Variants in UBTD1 observed in about 807,000 individuals in gnomAD.
UBTD1 encodes ubiquitin domain-containing protein 1.
UBTD1 carries 19 observed loss-of-function variants against 21.7 expected under a neutral mutation model. The observed-to-expected ratio is 0.87, with a 90% CI of 0.61 to 1.28. The LOEUF is 1.28. UBTD1 is among the 50% of genes most tolerant of loss of function. The probability of loss-of-function intolerance (pLI) is 0.00; values close to 1 mark genes in which losing one functional copy is unlikely to be tolerated. For synonymous variants in UBTD1, 116 were observed against 135.1 expected, an observed-to-expected ratio of 0.86 and a Z score of 0.98; for missense variants, 282 against 315.1, an observed-to-expected ratio of 0.89 and a Z score of 0.80.
chr10:97,534,795 G>A lies in UBTD1; in HGVS notation c.71-33119G>A, dbSNP rs2040552191. Among the ~76,000 whole-genome samples, 2 of 152,068 alleles carry A rather than the reference G, an allele frequency of 1.3e-5. 1 individual carries two copies. Among genetic ancestry groups the A allele is most frequent in the South Asian group, 4.1e-4 (2 of 4,830 alleles). On this transcript the variant is annotated intron_variant, in intron 1 of 2. Transcript: ENST00000370664. ...TGGGAGCTGCCAGTTTGCTTGGGAG[G>A]CACACAGCCTCCAAGGGCCACCATC...
intron 1 of UBTD1, among the ~76,000 whole-genome samples, chr10:97,549,454 G>A (rs1403309911): frequency 6.6e-6 from 1 of 152,234 alleles, no homozygotes; most frequent in East Asian, 1.9e-4. Context: ...CAGCATGCCA[G>A]GCATTAACTC....
intron 1 of UBTD1, among the ~76,000 whole-genome samples, chr10:97,525,053 G>A (rs2040482302): frequency 6.6e-6 from 1 of 152,240 alleles, no homozygotes; most frequent in African/African-American, 2.4e-5. Flanking sequence ...ATTTTCACTT[G>A]TGTGTGCTGA....
chr10:97,528,205 C>A (rs866113444), intron 1 of UBTD1, among the ~76,000 whole-genome samples: 1 of 60,556 alleles, frequency 1.7e-5, no homozygotes, highest in Non-Finnish European at 3.6e-5. Flanking sequence ...CTGGACGGGG[C>A]GGCTGGCCGG....
chr10:97,520,009 T>C (rs764446508), intron 1 of UBTD1, among the ~76,000 whole-genome samples: 106 of 152,374 alleles, frequency 7.0e-4, no homozygotes, highest in Non-Finnish European at 9.4e-4. Context: ...ACCTTGTAGC[T>C]TAGTGGTTAA....
chr10:97,499,260 C>A lies in UBTD1; in HGVS notation c.57C>A (p.Pro19=), dbSNP rs1479734289. The change falls in exon 1 of 3, where the codon CCC becomes CCA. Residue 19 remains proline, a synonymous_variant. Coordinates refer to ENST00000370664, the MANE Select transcript of UBTD1 (RefSeq NM_024954.5). ...AGAGGCCGGCAGCCCCGGGACACCC[C>A]CGCAAGCGAGCAGGTAACGATGGGG... ...RRERPAAPGH[P]RKRAGRNEPL... is the part of the protein sequence containing the mutation. 1.3e-6 allele frequency: 2 copies of A among 1,548,736 alleles called. No homozygotes were observed.
At chr10:97,518,884 A>T (rs1026134431) in intron 1 of UBTD1, among the ~76,000 whole-genome samples, 3 of 152,198 alleles carry the variant, frequency 2.0e-5, no homozygotes, top group Non-Finnish European at 4.4e-5. Context: ...AACCTTTTCC[A>T]TGTATTATCT....
chr10:97,527,171 C>A (rs1270925473), intron 1 of UBTD1, among the ~76,000 whole-genome samples: 252 of 66,606 alleles, frequency 3.8e-3, no homozygotes, highest in Middle Eastern at 0.013. Flanking sequence ...CTCTTGTCTC[C>A]AAAAAAAAAA....
At chr10:97,568,208 G>A (rs1305536334) in intron 2 of UBTD1, 67 bp downstream of exon 2, 3 of 1,559,312 alleles carry the variant, frequency 1.9e-6, no homozygotes, top group African/African-American at 2.7e-5. Context: ...GTTTGAGGGT[G>A]TTGAGGAGTG....
chr10:97,507,064 A>T (rs10882948), intron 1 of UBTD1, among the ~76,000 whole-genome samples: 43,251 of 152,092 alleles, frequency 0.28, 6,857 homozygotes, highest in East Asian at 0.57. Flanking sequence ...CTGGATCAAA[A>T]GGTAATTCTA....
At chr10:97,550,126 G>A (rs1222270928) in intron 1 of UBTD1, among the ~76,000 whole-genome samples, 3 of 152,182 alleles carry the variant, frequency 2.0e-5, no homozygotes, top group Non-Finnish European at 2.9e-5. Flanking sequence ...TCTTGTTCCT[G>A]CCTTCTCCCG....
At chr10:97,567,265 G>A (rs1278010574) in intron 1 of UBTD1, among the ~76,000 whole-genome samples, 1 of 151,270 alleles carries the variant, frequency 6.6e-6, no homozygotes, top group Non-Finnish European at 1.5e-5. Context: ...TAGAAACAGG[G>A]TTTTACCATG....
At chr10:97,536,510 C>G (rs545049661) in intron 1 of UBTD1, among the ~76,000 whole-genome samples, 1 of 152,330 alleles carries the variant, frequency 6.6e-6, no homozygotes, top group African/African-American at 2.4e-5. Context: ...CACCATACTG[C>G]AGACTTGTGT....
In UBTD1 at chr10:97,499,130, C is replaced by T. The variant is rs1209550824; in HGVS notation, c.-74C>T. Reference sequence around the variant, plus strand: ...TGCCGGGCGGCCGGAGCCATTGACCCGGGACGCCGCCGTCCGCTGAGCAGC... The same window carrying T: ...TGCCGGGCGGCCGGAGCCATTGACCTGGGACGCCGCCGTCCGCTGAGCAGC... On this transcript the variant is annotated 5_prime_UTR_variant, in exon 1 of 3. Transcript: ENST00000370664. 25 of 1,454,608 alleles carry T rather than the reference C, an allele frequency of 1.7e-5. No homozygotes were observed. In the South Asian group the frequency reaches 2.7e-4, roughly 16 times the overall value. The allele number at this position is 1,454,608 out of a possible 1,614,324, so 90.1% of individuals were successfully genotyped here.
chr10:97,539,374 A>C (rs2040577300), intron 1 of UBTD1, among the ~76,000 whole-genome samples: 3 of 152,190 alleles, frequency 2.0e-5, no homozygotes, highest in East Asian at 1.9e-4. Flanking sequence ...CGGGAGGATC[A>C]GTTGAGCTCA....
At chr10:97,535,324 A>G (rs1478310490) in intron 1 of UBTD1, among the ~76,000 whole-genome samples, 1 of 152,236 alleles carries the variant, frequency 6.6e-6, no homozygotes, top group African/African-American at 2.4e-5. Flanking sequence ...CCATTAAAAA[A>G]AAATTACTTG....
intron 1 of UBTD1, among the ~76,000 whole-genome samples, chr10:97,530,030 C>T (rs2040520987): frequency 6.6e-6 from 1 of 152,158 alleles, no homozygotes; most frequent in Non-Finnish European, 1.5e-5. Context: ...ATTCACGTGT[C>T]CCCCTGATTC....
chr10:97,499,030 C>A lies in UBTD1; in HGVS notation c.-174C>A. ...GGGAGTCTGCCACTTCCCTCTCTCC[C>A]CTGGCCCGCAAAGTTTTGGCGGAGC... On this transcript the variant is annotated 5_prime_UTR_variant, in exon 1 of 3. Transcript: ENST00000370664. 1.4e-6 allele frequency: 1 copy of A among 710,456 alleles called. No homozygotes were observed. Among genetic ancestry groups the A allele is most frequent in the Non-Finnish European group, 2.2e-6 (1 of 452,600 alleles). 44.0% of individuals were successfully genotyped at this position (710,456 alleles called of 1,614,324 possible).
At chr10:97,543,324 G>A (rs1463220483) in intron 1 of UBTD1, among the ~76,000 whole-genome samples, 1 of 152,226 alleles carries the variant, frequency 6.6e-6, no homozygotes, top group Non-Finnish European at 1.5e-5. Flanking sequence ...AAGAGGAAGG[G>A]ATGAGTCAGG....
intron 1 of UBTD1, among the ~76,000 whole-genome samples, chr10:97,525,385 G>A (rs1176457764): frequency 6.6e-6 from 1 of 152,228 alleles, no homozygotes; most frequent in Non-Finnish European, 1.5e-5. Context: ...ATGAAGTGCT[G>A]AGAGCAGTGT....
Sources: gnomAD v4.1 joint callset for allele counts (sites outside exome capture counted in the v4.1 genomes callset) on GRCh38, gnomAD v4.1.1 for gene constraint, MANE v1.5 for transcripts, NCBI Gene and HGNC (gene_info 2026-07-23, HGNC 2026-07-21) for gene names.